The following STARD8 variants were observed in gnomAD, a reference collection of about 807,000 sequenced individuals.
The protein encoded by STARD8 is StAR related lipid transfer domain containing 8, also known as stAR-related lipid transfer protein 8.
A neutral mutation model predicts 69.4 loss-of-function variants in STARD8; 25 were observed. That is an observed-to-expected ratio of 0.36 (90% CI 0.26 to 0.50). The LOEUF (loss-of-function observed/expected upper bound fraction) is 0.50. Ranked by LOEUF, STARD8 falls within the 20% of genes least tolerant of loss-of-function variation. STARD8 has a pLI of 0.96. For missense variants in STARD8, 921 were observed against 932.5 expected (o/e 0.99, Z 0.16); for synonymous variants, 389 against 374.6 (o/e 1.04, Z -0.45).
At position 68,670,088 on chromosome X, in the gene STARD8, G is replaced by A. The variant is rs146494224; in HGVS notation, c.79+4556G>A. 5.6e-3 allele frequency among the ~76,000 whole-genome samples: 626 copies of A among 112,234 alleles called. 7 individuals carry two copies. The highest frequency in any genetic ancestry group is 0.019 in the African/African-American group (599 of 30,887). On this transcript the variant is annotated intron_variant, in intron 2 of 14. Coordinates refer to ENST00000374599, the MANE Select transcript of STARD8 (RefSeq NM_001142503.3). The stretch of plus-strand genomic sequence containing the variant: ...GTATAAAGATCTACTTAGTTAGGGA[G>A]CATCTGGAATTTATTATCATTTGAG...
In STARD8 at chrX:68,647,896, A is replaced by G; in HGVS notation, c.14A>G (p.Asp5Gly). ...CCACGCGCCACCATGCCTCTGCTGG[A>G]CGTTTTCTGGTCTTGCTTCAGGAAG... MPLL[D>G]VFWSCFRKVK... is the part of the protein sequence containing the mutation. The change falls in exon 1 of 15, where the codon GAC (aspartate) becomes GGC (glycine). Residue 5 changes from aspartate to glycine, a missense_variant. Coordinates refer to ENST00000374599, the MANE Select transcript of STARD8 (RefSeq NM_001142503.3). The G allele has an allele frequency of 8.3e-7, 1 of 1,200,812 alleles. No homozygotes were observed. Among genetic ancestry groups the G allele is most frequent in the Non-Finnish European group, 1.1e-6 (1 of 890,132 alleles).
intron 1 of STARD8, among the ~76,000 whole-genome samples, chrX:68,659,823 G>T (rs188467652): frequency 1.8e-5 from 2 of 111,609 alleles, no homozygotes; most frequent in East Asian, 5.7e-4. Context: ...GCCTGGAGCA[G>T]CCCTGCAGGC....
intron 13 of STARD8, 49 bp downstream of exon 13, chrX:68,723,892 TG>T: frequency 8.3e-7 from 1 of 1,206,380 alleles, no homozygotes; most frequent in Non-Finnish European, 1.1e-6. Flanking sequence ...GCCGGAGAAG[TG>T]GGGTGGAAAC....
intron 2 of STARD8, among the ~76,000 whole-genome samples, chrX:68,683,269 A>G (rs2079811662): frequency 8.9e-6 from 1 of 112,639 alleles, no homozygotes; most frequent in Non-Finnish European, 1.9e-5. Context: ...AGTGGTTACT[A>G]GCTAAAGCTG....
intron 2 of STARD8, among the ~76,000 whole-genome samples, chrX:68,705,006 C>A (rs1001002368): frequency 8.9e-6 from 1 of 112,165 alleles, no homozygotes; most frequent in Non-Finnish European, 1.9e-5. Context: ...CTAATATCTG[C>A]CCCAGACTGG....
intron 1 of STARD8, among the ~76,000 whole-genome samples, chrX:68,659,395 C>T (rs190278746): frequency 8.1e-4 from 91 of 111,942 alleles, no homozygotes; most frequent in African/African-American, 2.8e-3. Flanking sequence ...GTAGAAAACA[C>T]AGATGCGACT....
intron 2 of STARD8, among the ~76,000 whole-genome samples, chrX:68,670,995 T>C (rs2079724834): frequency 3.6e-5 from 4 of 111,802 alleles, no homozygotes; most frequent in African/African-American, 1.3e-4. Flanking sequence ...TTGCAACCGC[T>C]ACCTAACTGG....
chrX:68,650,109 A>T (rs944800285), intron 1 of STARD8, among the ~76,000 whole-genome samples: 2 of 110,707 alleles, frequency 1.8e-5, no homozygotes, highest in African/African-American at 6.6e-5. Flanking sequence ...ACATGTCCTA[A>T]CCCCTGTCAG....
At chrX:68,696,456 G>A (rs908662559) in intron 2 of STARD8, among the ~76,000 whole-genome samples, 28 of 112,293 alleles carry the variant, frequency 2.5e-4, no homozygotes, top group African/African-American at 8.1e-4. Context: ...TGTGGGTGGA[G>A]TTTCCTTTTC....
intron 2 of STARD8, chrX:68,693,775 C>T (rs964898217): frequency 5.3e-6 from 4 of 754,018 alleles, no homozygotes; most frequent in South Asian, 6.7e-5. Context: ...CGCCTCCTGC[C>T]CGCTCGCTCT....
chrX:68,717,490 C>T lies in STARD8; in HGVS notation c.576C>T (p.Gly192=). The T allele has an allele frequency of 8.3e-7, 1 of 1,210,718 alleles. No individual in the cohort carries two copies. The highest frequency in any genetic ancestry group is 1.1e-6 in the Non-Finnish European group (1 of 895,515). ...GGCCCCTCCTCAGCCCCACCCAGGGCCAGGAGGGTCCCCAGGACAAAGCCA... is the reference window on the plus strand; with the variant it reads ...GGCCCCTCCTCAGCCCCACCCAGGGTCAGGAGGGTCCCCAGGACAAAGCCA... ...SDRPLLSPTQ[G]QEGPQDKAKK... Residue 192 remains glycine, a synonymous_variant, in exon 6 of 15, where the codon GGC becomes GGT. Transcript: ENST00000374599.
chrX:68,715,152 T>C (rs1167062686), intron 3 of STARD8, 142 bp from the exon 4 acceptor site: 1 of 500,844 alleles, frequency 2.0e-6, no homozygotes, highest in Non-Finnish European at 3.3e-6. Flanking sequence ...CCCTCCTTTA[T>C]TCCTGACTTT....
At position 68,647,717 on chromosome X, in the gene STARD8, G is replaced by A. The variant is rs2079523542; in HGVS notation, c.-166G>A. On this transcript the variant is annotated 5_prime_UTR_variant, in exon 1 of 15. Coordinates refer to ENST00000374599, the MANE Select transcript of STARD8 (RefSeq NM_001142503.3). ...CCCGCTGTCGAGGCAGCTGAGCCCC[G>A]GCAACCGCTGCTCTCCGCCTCTCCC... 9.7e-6 allele frequency: 6 copies of A among 619,306 alleles called. No individual in the cohort carries two copies. Among genetic ancestry groups the A allele is most frequent in the Non-Finnish European group, 2.4e-6 (1 of 423,833 alleles). 51.0% of individuals were successfully genotyped at this position (619,306 alleles called of 1,213,427 possible).
chrX:68,677,841 A>AC (rs1465187759), intron 2 of STARD8, among the ~76,000 whole-genome samples: 31 of 29,243 alleles, frequency 1.1e-3, no homozygotes, highest in Non-Finnish European at 1.4e-3. Context: ...CCCCCCACCC[A>AC]CCCCCCCAAT....
chrX:68,694,620 C>T (rs1167252707), intron 2 of STARD8, among the ~76,000 whole-genome samples: 1 of 111,277 alleles, frequency 9.0e-6, no homozygotes, highest in Admixed American at 9.5e-5. Flanking sequence ...TGTTTTCAGC[C>T]ACACCTCAGG....
intron 1 of STARD8, among the ~76,000 whole-genome samples, chrX:68,660,889 G>A (rs1323855444): frequency 8.9e-6 from 1 of 112,234 alleles, no homozygotes; most frequent in Non-Finnish European, 1.9e-5. Flanking sequence ...TAGGCCTGGG[G>A]GCGGTGAGAG....
In STARD8 at chrX:68,718,476, T is replaced by C. The variant is rs1389305562; in HGVS notation, c.1562T>C (p.Ile521Thr). 2.5e-6 allele frequency: 3 copies of C among 1,210,751 alleles called. No homozygotes were observed. The African/African-American group carries it at 5.2e-5, about 21-fold the overall frequency. The stretch of plus-strand genomic sequence containing the variant: ...CTGTCTGTGGAAGAAGGACACTCCA[T>C]TTCTGACACTGTGGCCTCCTCCAGC... ...SSLSVEEGHS[I>T]SDTVASSSEL... Residue 521 changes from isoleucine (I) to threonine (T), a missense_variant, in exon 6 of 15, where the codon ATT becomes ACT. Transcript: ENST00000374599.
At chrX:68,699,120 A>C (rs2079945841) in intron 2 of STARD8, among the ~76,000 whole-genome samples, 1 of 111,388 alleles carries the variant, frequency 9.0e-6, no homozygotes, top group Non-Finnish European at 1.9e-5. Context: ...CCACAAGTTA[A>C]TGAGTGAACT....
At chrX:68,716,792 C>T (rs1286938265) in intron 5 of STARD8, among the ~76,000 whole-genome samples, 1 of 111,515 alleles carries the variant, frequency 9.0e-6, no homozygotes, top group Non-Finnish European at 1.9e-5. Flanking sequence ...GCCTCAGTTT[C>T]CCCATTTTGC....
Sources: gnomAD v4.1 joint callset for allele counts (sites outside exome capture counted in the v4.1 genomes callset) on GRCh38, gnomAD v4.1.1 for gene constraint, MANE v1.5 for transcripts, NCBI Gene and HGNC (gene_info 2026-07-23, HGNC 2026-07-21) for gene names.